Variants in KCNB2 observed in about 807,000 individuals in gnomAD.
KCNB2 encodes potassium voltage-gated channel subfamily B member 2, also known as delayed rectifier potassium channel protein.
KCNB2 carries 15 observed loss-of-function variants against 61.5 expected under a neutral mutation model. The observed-to-expected ratio is 0.24, with a 90% CI of 0.16 to 0.38. The LOEUF (loss-of-function observed/expected upper bound fraction) is 0.38, where lower values mean the gene tolerates loss of function less well. KCNB2 is among the 10% of genes least tolerant of loss of function. The pLI, the probability that KCNB2 is intolerant of heterozygous loss-of-function variation, is 1.00. For synonymous variants in KCNB2, 457 were observed against 446.0 expected, an observed-to-expected ratio of 1.02 and a Z score of -0.31; for missense variants, 828 against 1,125.2, an observed-to-expected ratio of 0.74 and a Z score of 3.78.
chr8:72,621,808 T>A (rs1485977141), intron 2 of KCNB2, among the ~76,000 whole-genome samples: 2 of 152,238 alleles, frequency 1.3e-5, no homozygotes, highest in African/African-American at 4.8e-5. Flanking sequence ...ATCTGTGGCA[T>A]GATTTCACTA....
intron 1 of KCNB2, among the ~76,000 whole-genome samples, chr8:72,555,287 A>G (rs1806406128): frequency 6.6e-6 from 1 of 151,434 alleles, no homozygotes; most frequent in Non-Finnish European, 1.5e-5. Context: ...ATAATCACTT[A>G]ATATTTGGTA....
In KCNB2 at chr8:72,938,169, T is replaced by C; in HGVS notation, c.*78T>C. ...TCTTAAAAATGCGGTTAATAATGCCTGTGAACTAAAAAAATGGGAAGCCCT... is the reference window on the plus strand; with the variant it reads ...TCTTAAAAATGCGGTTAATAATGCCCGTGAACTAAAAAAATGGGAAGCCCT... On this transcript the variant is annotated 3_prime_UTR_variant, in exon 3 of 3. Coordinates refer to ENST00000523207, the MANE Select transcript of KCNB2 (RefSeq NM_004770.3). 1 of 1,198,136 alleles carries C rather than the reference T, an allele frequency of 8.3e-7. No homozygotes were observed. The highest frequency in any genetic ancestry group is 1.2e-6 in the Non-Finnish European group (1 of 845,900). 74.2% of individuals were successfully genotyped at this position (1,198,136 alleles called of 1,614,324 possible). A position where few individuals can be genotyped will look rare whatever the true frequency, so the allele number is the denominator to read the frequency against.
chr8:72,913,290 A>G (rs1806333370), intron 2 of KCNB2, among the ~76,000 whole-genome samples: 1 of 152,182 alleles, frequency 6.6e-6, no homozygotes, highest in Non-Finnish European at 1.5e-5. Flanking sequence ...TTCTATCATA[A>G]TTTATTTCAG....
chr8:72,676,627 T>C (rs1361435110), intron 2 of KCNB2, among the ~76,000 whole-genome samples: 1 of 151,850 alleles, frequency 6.6e-6, no homozygotes, highest in Non-Finnish European at 1.5e-5. Context: ...TAAATATTAG[T>C]GGATTAGAAC....
At chr8:72,727,898 A>C (rs1257157431) in intron 2 of KCNB2, among the ~76,000 whole-genome samples, 1 of 152,198 alleles carries the variant, frequency 6.6e-6, no homozygotes. Context: ...AGTGCACATA[A>C]ATAATAGTCT....
In KCNB2 at chr8:72,672,556, T is replaced by C. The variant is rs185969637; in HGVS notation, c.579+104243T>C. Among the ~76,000 whole-genome samples, 905 of 152,296 alleles carry C rather than the reference T, an allele frequency of 5.9e-3. 13 individuals carry two copies. The highest frequency in any genetic ancestry group is 9.0e-3 in the Non-Finnish European group (609 of 68,012). On this transcript the variant is annotated intron_variant, in intron 2 of 2. Coordinates refer to ENST00000523207, the MANE Select transcript of KCNB2 (RefSeq NM_004770.3). ...TAAGATGTATTTTTATCATAATTGG[T>C]CCTATTATCATTCACTGATATTTAA...
At chr8:72,821,281 G>A (rs1022067212) in intron 2 of KCNB2, among the ~76,000 whole-genome samples, 2 of 152,030 alleles carry the variant, frequency 1.3e-5, no homozygotes, top group Admixed American at 6.5e-5. Context: ...AATATATAGT[G>A]TTTATTATTA....
intron 2 of KCNB2, among the ~76,000 whole-genome samples, chr8:72,661,746 A>G (rs1255053742): frequency 2.6e-5 from 4 of 152,136 alleles, no homozygotes; most frequent in African/African-American, 9.7e-5. Context: ...GTGTTGATGC[A>G]TCTTCTAAAA....
At position 72,619,210 on chromosome 8, in the gene KCNB2, A is replaced by G. The variant is rs1187421110; in HGVS notation, c.579+50897A>G. 5.4e-6 allele frequency: 3 copies of G among 550,546 alleles called. No homozygotes were observed. In the African/African-American group the frequency reaches 5.8e-5, roughly 11 times the overall value. 34.1% of individuals were successfully genotyped at this position (550,546 alleles called of 1,614,324 possible). Reference sequence around the variant, plus strand: ...AGATGTCGAATTATTCACTGCAGGGATAAACCTAGCTAGTGAGGTATCTTT... The same window carrying G: ...AGATGTCGAATTATTCACTGCAGGGGTAAACCTAGCTAGTGAGGTATCTTT... On this transcript the variant is annotated intron_variant, in intron 2 of 2. Transcript: ENST00000523207.
chr8:72,768,679 A>T (rs962575089), intron 2 of KCNB2, among the ~76,000 whole-genome samples: 4 of 152,026 alleles, frequency 2.6e-5, no homozygotes, highest in Non-Finnish European at 4.4e-5. Context: ...TTTTCCTAAG[A>T]ATTTTATAGT....
chr8:72,792,453 AG>A (rs1447423413), intron 2 of KCNB2, among the ~76,000 whole-genome samples: 20 of 152,330 alleles, frequency 1.3e-4, no homozygotes, highest in African/African-American at 4.8e-4. Flanking sequence ...TTCTCTTGTT[AG>A]GAATATTTTC....
chr8:72,919,144 G>A (rs1806453946), intron 2 of KCNB2, among the ~76,000 whole-genome samples: 1 of 152,186 alleles, frequency 6.6e-6, no homozygotes, highest in Admixed American at 6.5e-5. Flanking sequence ...GTATTTATAT[G>A]CATGCGTATG....
At chr8:72,598,891 G>C (rs1269893324) in intron 2 of KCNB2, among the ~76,000 whole-genome samples, 1 of 152,082 alleles carries the variant, frequency 6.6e-6, no homozygotes, top group South Asian at 2.1e-4. Context: ...AACTTACAAG[G>C]GATGTGAAAG....
At chr8:72,931,898 A>T (rs569156344) in intron 2 of KCNB2, among the ~76,000 whole-genome samples, 1 of 152,212 alleles carries the variant, frequency 6.6e-6, no homozygotes, top group African/African-American at 2.4e-5. Flanking sequence ...CTGTATTCCC[A>T]GCTACTTGGG....
intron 2 of KCNB2, among the ~76,000 whole-genome samples, chr8:72,920,032 G>C (rs1806478532): frequency 6.6e-6 from 1 of 151,998 alleles, no homozygotes; most frequent in African/African-American, 2.4e-5. Flanking sequence ...ATAGAATTGA[G>C]ATTTGAATCC....
intron 2 of KCNB2, among the ~76,000 whole-genome samples, chr8:72,847,138 G>A (rs1358273758): frequency 6.6e-6 from 1 of 152,176 alleles, no homozygotes; most frequent in Non-Finnish European, 1.5e-5. Flanking sequence ...GCAGACCGGA[G>A]CTGTTCCTAT....
At chr8:72,658,952 G>T (rs530219261) in intron 2 of KCNB2, among the ~76,000 whole-genome samples, 5 of 152,274 alleles carry the variant, frequency 3.3e-5, no homozygotes, top group Non-Finnish European at 2.9e-5. Context: ...TGATGGAGAT[G>T]TGCAGGGAGA....
chr8:72,920,315 C>T (rs1458693676), intron 2 of KCNB2, among the ~76,000 whole-genome samples: 1 of 151,088 alleles, frequency 6.6e-6, no homozygotes. Flanking sequence ...AGGATTTCAT[C>T]AGAAGTTTAA....
chr8:72,595,739 C>T (rs968691469), intron 2 of KCNB2, among the ~76,000 whole-genome samples: 54 of 152,230 alleles, frequency 3.5e-4, no homozygotes, highest in African/African-American at 1.2e-3. Context: ...CCTGTATTCC[C>T]GTATTTGGCC....
Sources: gnomAD v4.1 joint callset for allele counts (sites outside exome capture counted in the v4.1 genomes callset) on GRCh38, gnomAD v4.1.1 for gene constraint, MANE v1.5 for transcripts, NCBI Gene and HGNC (gene_info 2026-07-23, HGNC 2026-07-21) for gene names.